The following NWD2 variants were observed in gnomAD, a reference collection of about 807,000 sequenced individuals.
NWD2 encodes the protein NACHT and WD repeat domain containing 2, also known as NACHT and WD repeat domain-containing protein 2.
NWD2 carries 37 observed loss-of-function variants against 132.7 expected under a neutral mutation model. That is an observed-to-expected ratio of 0.28 (90% CI 0.21 to 0.37). The LOEUF (loss-of-function observed/expected upper bound fraction) is 0.37. Among genes scored for constraint, NWD2 ranks in the 10% least tolerant of loss-of-function variants. The pLI, the probability that NWD2 is intolerant of heterozygous loss-of-function variation, is 1.00. For synonymous variants in NWD2, 705 were observed against 803.0 expected, an observed-to-expected ratio of 0.88 and a Z score of 2.06; for missense variants, 1,592 against 2,122.4, an observed-to-expected ratio of 0.75 and a Z score of 4.91.
chr4:37,308,177 G>A (rs1268784789), intron 1 of NWD2, among the ~76,000 whole-genome samples: 1 of 152,020 alleles, frequency 6.6e-6, no homozygotes, highest in Admixed American at 6.6e-5. Context: ...GCTTTTTCAT[G>A]TTTTTTACAT....
intron 3 of NWD2, among the ~76,000 whole-genome samples, chr4:37,384,801 C>T (rs1435397244): frequency 1.3e-5 from 2 of 152,290 alleles, no homozygotes; most frequent in East Asian, 3.9e-4. Context: ...AACTACAGCC[C>T]TACCTACATA....
At chr4:37,329,151 C>G (rs1719236405) in intron 2 of NWD2, among the ~76,000 whole-genome samples, 1 of 152,156 alleles carries the variant, frequency 6.6e-6, no homozygotes, top group African/African-American at 2.4e-5. Context: ...CTCTTTGCTT[C>G]TCTGAAATTC....
At chr4:37,430,810 C>A (rs1218919994) in intron 4 of NWD2, 35 bp downstream of exon 4, 5 of 1,504,334 alleles carry the variant, frequency 3.3e-6, no homozygotes, top group Non-Finnish European at 4.5e-6. Context: ...ATGGATCTGT[C>A]CATTACTACA....
intron 1 of NWD2, among the ~76,000 whole-genome samples, chr4:37,267,198 G>A (rs1426101450): frequency 2.0e-5 from 3 of 151,950 alleles, no homozygotes; most frequent in East Asian, 1.9e-4. Context: ...AATATTTAAT[G>A]TTCATGCTAA....
intron 1 of NWD2, among the ~76,000 whole-genome samples, chr4:37,312,127 C>A (rs1718857520): frequency 6.6e-6 from 1 of 151,156 alleles, no homozygotes; most frequent in African/African-American, 2.5e-5. Flanking sequence ...TTTTTGGTTC[C>A]ATATGAACTT....
chr4:37,410,931 G>A (rs1376728565), intron 3 of NWD2, among the ~76,000 whole-genome samples: 3 of 152,166 alleles, frequency 2.0e-5, no homozygotes, highest in South Asian at 2.1e-4. Context: ...AAATAAAGGT[G>A]TTCTTTAAAA....
At chr4:37,286,130 T>G (rs1362625125) in intron 1 of NWD2, among the ~76,000 whole-genome samples, 4 of 152,244 alleles carry the variant, frequency 2.6e-5, no homozygotes, top group Non-Finnish European at 5.9e-5. Flanking sequence ...TAATGTTTAT[T>G]TTCAAATAGA....
chr4:37,413,183 C>T (rs1305147753), intron 3 of NWD2, among the ~76,000 whole-genome samples: 2 of 152,200 alleles, frequency 1.3e-5, no homozygotes, highest in African/African-American at 4.8e-5. Flanking sequence ...AGTGAACAGG[C>T]AGCCTACGGA....
intron 1 of NWD2, among the ~76,000 whole-genome samples, chr4:37,309,757 G>A (rs1718792836): frequency 6.6e-6 from 1 of 152,148 alleles, no homozygotes; most frequent in Admixed American, 6.5e-5. Flanking sequence ...GTGCCTCTTG[G>A]CTTTGAGTCA....
intron 1 of NWD2, among the ~76,000 whole-genome samples, chr4:37,288,757 A>G (rs918965764): frequency 2.0e-5 from 3 of 152,174 alleles, no homozygotes; most frequent in Admixed American, 2.0e-4. Flanking sequence ...CCATTTGCAT[A>G]TATTAAACAA....
At chr4:37,355,504 C>T (rs1719853662) in intron 2 of NWD2, among the ~76,000 whole-genome samples, 1 of 152,070 alleles carries the variant, frequency 6.6e-6, no homozygotes, top group African/African-American at 2.4e-5. Flanking sequence ...TCACCAAATG[C>T]CGTGCAAGCA....
chr4:37,361,821 A>G (rs1719987784), intron 3 of NWD2, among the ~76,000 whole-genome samples: 1 of 152,170 alleles, frequency 6.6e-6, no homozygotes, highest in South Asian at 2.1e-4. Flanking sequence ...AGTGCTAGCT[A>G]GAGAAATCAG....
intron 1 of NWD2, among the ~76,000 whole-genome samples, chr4:37,324,685 T>TA (rs558672529): frequency 8.6e-4 from 131 of 152,308 alleles, no homozygotes; most frequent in African/African-American, 3.0e-3. Context: ...GAAAATACCC[T>TA]ATTTGTTTAG....
intron 1 of NWD2, among the ~76,000 whole-genome samples, chr4:37,318,562 CAGTT>C (rs1260605980): frequency 6.6e-6 from 1 of 152,092 alleles, no homozygotes; most frequent in Non-Finnish European, 1.5e-5. Context: ...CAGTGCCCAA[CAGTT>C]AGTTTTGCAA....
intron 1 of NWD2, among the ~76,000 whole-genome samples, chr4:37,323,827 G>A (rs1719116571): frequency 1.3e-5 from 2 of 148,556 alleles, no homozygotes; most frequent in Non-Finnish European, 1.5e-5. Flanking sequence ...TGAAAATGTG[G>A]CACATATACA....
chr4:37,325,786 A>C, intron 1 of NWD2, 150 bp from the exon 2 acceptor site: 1 of 566,580 alleles, frequency 1.8e-6, no homozygotes, highest in Non-Finnish European at 3.1e-6. Context: ...GGGCAGGTCT[A>C]CACCAACAGC....
intron 3 of NWD2, among the ~76,000 whole-genome samples, chr4:37,401,455 C>T (rs922826519): frequency 2.6e-5 from 4 of 152,192 alleles, no homozygotes; most frequent in Non-Finnish European, 5.9e-5. Context: ...CAGACTCACA[C>T]ATTGTCTTCC....
chr4:37,374,394 G>T (rs913910922), intron 3 of NWD2, among the ~76,000 whole-genome samples: 1 of 152,148 alleles, frequency 6.6e-6, no homozygotes, highest in Non-Finnish European at 1.5e-5. Flanking sequence ...ACTTAGCCTC[G>T]GGTATTCATT....
intron 2 of NWD2, among the ~76,000 whole-genome samples, chr4:37,348,592 T>C (rs1420467407): frequency 3.7e-5 from 5 of 133,748 alleles, no homozygotes; most frequent in Non-Finnish European, 7.9e-5. Context: ...TTTTTTTTTT[T>C]TTTTTTTTTT....
Sources: allele counts gnomAD v4.1 joint callset (sites outside exome capture counted in the v4.1 genomes callset), GRCh38; gene constraint gnomAD v4.1.1; transcripts MANE v1.5; gene names NCBI Gene and HGNC (gene_info 2026-07-23, HGNC 2026-07-21).